The following MTUS2 variants were observed in gnomAD, a reference collection of about 807,000 sequenced individuals.
MTUS2 encodes the protein microtubule associated scaffold protein 2.
A neutral mutation model predicts 114.1 loss-of-function variants in MTUS2; 40 were observed. The observed-to-expected ratio is 0.35, with a 90% CI of 0.27 to 0.46. MTUS2 has a LOEUF of 0.46. Among genes scored for constraint, MTUS2 ranks in the 20% least tolerant of loss-of-function variants. The probability of loss-of-function intolerance (pLI) is 1.00; values close to 1 mark genes in which losing one functional copy is unlikely to be tolerated. For synonymous variants in MTUS2, 688 were observed against 672.0 expected (o/e 1.02, Z -0.37); for missense variants, 1,679 against 1,705.4 (o/e 0.98, Z 0.27).
At chr13:29,363,082 G>A (rs1161891074) in intron 8 of MTUS2, among the ~76,000 whole-genome samples, 2 of 145,044 alleles carry the variant, frequency 1.4e-5, no homozygotes, top group African/African-American at 5.2e-5. Flanking sequence ...AAGTGGTGTA[G>A]TAATGAGTGT....
chr13:29,176,196 T>G (rs1023083198), intron 5 of MTUS2, among the ~76,000 whole-genome samples: 1 of 152,212 alleles, frequency 6.6e-6, no homozygotes, highest in African/African-American at 2.4e-5. Flanking sequence ...TGTACAGATT[T>G]CAGACTCCCT....
chr13:28,986,590 A>G (rs1884598293), intron 2 of MTUS2, among the ~76,000 whole-genome samples: 1 of 152,206 alleles, frequency 6.6e-6, no homozygotes, highest in East Asian at 1.9e-4. Context: ...TCTCCCGAGC[A>G]TAGAATCCTC....
chr13:29,260,789 TC>T (rs1897443351), intron 5 of MTUS2, among the ~76,000 whole-genome samples: 1 of 152,238 alleles, frequency 6.6e-6, no homozygotes, highest in African/African-American at 2.4e-5. Context: ...GGGACAGTAT[TC>T]CCCTTGGAGG....
At chr13:29,269,933 C>G (rs1897816662) in intron 5 of MTUS2, among the ~76,000 whole-genome samples, 1 of 152,112 alleles carries the variant, frequency 6.6e-6, no homozygotes, top group Admixed American at 6.5e-5. Context: ...GGACATTATC[C>G]TAAGTGAAAT....
At chr13:28,919,376 C>T (rs558464480) in intron 2 of MTUS2, among the ~76,000 whole-genome samples, 24 of 152,126 alleles carry the variant, frequency 1.6e-4, no homozygotes, top group African/African-American at 5.8e-4. Context: ...TTCCCTTCAG[C>T]ACTTTAAATA....
intron 2 of MTUS2, among the ~76,000 whole-genome samples, chr13:28,885,552 A>T (rs1028109544): frequency 6.6e-6 from 1 of 152,210 alleles, no homozygotes; most frequent in African/African-American, 2.4e-5. Flanking sequence ...GAGAGGCATC[A>T]AAGTATGGAA....
rs137946690 is a variant in MTUS2, at chr13:28,823,956, A to G, written c.-316+3345A>G. 3.9e-3 allele frequency among the ~76,000 whole-genome samples: 591 copies of G among 152,284 alleles called. 1 individual carries two copies. The highest frequency in any genetic ancestry group is 0.013 in the African/African-American group (543 of 41,558). On this transcript the variant is annotated intron_variant, in intron 1 of 15. Transcript: ENST00000612955. ...GAGAACTTACTGTCGCGAGAACAAC[A>G]TGAGGGTAGTTCCCCCATGATTAAA...
intron 8 of MTUS2, among the ~76,000 whole-genome samples, chr13:29,432,779 G>A (rs1877101279): frequency 6.6e-6 from 1 of 152,228 alleles, no homozygotes; most frequent in Admixed American, 6.5e-5. Context: ...GTATGGTCCT[G>A]TCCCTTTAGG....
At chr13:29,348,411 A>G (rs1010430049) in intron 7 of MTUS2, among the ~76,000 whole-genome samples, 7 of 62,646 alleles carry the variant, frequency 1.1e-4, no homozygotes, top group African/African-American at 2.0e-4. Flanking sequence ...GACCAAATAT[A>G]TATTTCTTAT....
At position 28,865,447 on chromosome 13, in the gene MTUS2, C is replaced by T. The variant is rs144697960; in HGVS notation, c.-243+25597C>T. ...AAAGTGATAAAACACCCAGAAAATACGAAATCATCATATTAAGTTGGCAAA... is the reference window on the plus strand; with the variant it reads ...AAAGTGATAAAACACCCAGAAAATATGAAATCATCATATTAAGTTGGCAAA... On this transcript the variant is annotated intron_variant, in intron 2 of 15. Coordinates refer to ENST00000612955, the MANE Select transcript of MTUS2 (RefSeq NM_001033602.4). Among the ~76,000 whole-genome samples, 8 of 152,248 alleles carry T rather than the reference C, an allele frequency of 5.3e-5. No individual in the cohort carries two copies. In the East Asian group the frequency reaches 9.7e-4, roughly 18 times the overall value.
chr13:29,114,586 G>T (rs1891010701), intron 5 of MTUS2, among the ~76,000 whole-genome samples: 1 of 152,204 alleles, frequency 6.6e-6, no homozygotes, highest in Non-Finnish European at 1.5e-5. Context: ...TAAATCAAAG[G>T]AAAGATGGAG....
At chr13:29,380,454 C>T (rs1173945374) in intron 8 of MTUS2, among the ~76,000 whole-genome samples, 1 of 152,202 alleles carries the variant, frequency 6.6e-6, no homozygotes. Context: ...AAGAGGATTC[C>T]TCTGCCCTAC....
chr13:28,863,999 G>C (rs940773913), intron 2 of MTUS2, among the ~76,000 whole-genome samples: 7 of 152,156 alleles, frequency 4.6e-5, no homozygotes, highest in African/African-American at 1.7e-4. Context: ...CTCAGCCCCA[G>C]ATGTGTTTTA....
At chr13:29,421,541 G>C (rs945882290) in intron 8 of MTUS2, among the ~76,000 whole-genome samples, 26 of 152,166 alleles carry the variant, frequency 1.7e-4, no homozygotes, top group African/African-American at 6.0e-4. Flanking sequence ...CTTCGGCTTT[G>C]ACTCCTTCAA....
At chr13:29,492,071 GTGCC>G (rs1882179611) in intron 11 of MTUS2, among the ~76,000 whole-genome samples, 3 of 147,808 alleles carry the variant, frequency 2.0e-5, no homozygotes, top group African/African-American at 5.0e-5. Flanking sequence ...GTGTGTATGT[GTGCC>G]ATGTGTATGT....
At chr13:29,398,872 A>C (rs143430273) in intron 8 of MTUS2, among the ~76,000 whole-genome samples, 179 of 152,318 alleles carry the variant, frequency 1.2e-3, no homozygotes, top group African/African-American at 4.3e-3. Flanking sequence ...TGTGCTCAAA[A>C]TAAGGATCTA....
Position 29,218,095 on chromosome 13 carries a change from CAA to C in MTUS2, c.2645-63606_2645-63605del, listed in dbSNP as rs1895753345. ...TTGTGCCGTCATACTCCAGCCTGAA[CAA>C]AAGAGTGAGACCTTGTCCCTCCCCG... On this transcript the variant is annotated intron_variant, in intron 5 of 15. Transcript: ENST00000612955. Among the ~76,000 whole-genome samples, 3 of 151,344 alleles carry C rather than the reference CAA, an allele frequency of 2.0e-5. No homozygotes were observed. In the East Asian group the frequency reaches 5.8e-4, roughly 29 times the overall value.
intron 6 of MTUS2, among the ~76,000 whole-genome samples, chr13:29,302,525 A>G (rs1247962674): frequency 6.6e-6 from 1 of 152,146 alleles, no homozygotes; most frequent in Non-Finnish European, 1.5e-5. Flanking sequence ...ACATATCCCT[A>G]GGAAGGGAGC....
intron 6 of MTUS2, chr13:29,307,476 C>A: frequency 7.5e-7 from 1 of 1,327,646 alleles, no homozygotes. Flanking sequence ...GCATGGCCTT[C>A]TGTGTCCCCA....
Sources: allele counts gnomAD v4.1 joint callset (sites outside exome capture counted in the v4.1 genomes callset), GRCh38; gene constraint gnomAD v4.1.1; transcripts MANE v1.5; gene names NCBI Gene and HGNC (gene_info 2026-07-23, HGNC 2026-07-21).